Variants in TRPM5 observed in about 807,000 individuals in gnomAD.
TRPM5 encodes the protein MLSN1 and TRP-related.
Under a neutral mutation model 124.9 loss-of-function variants are expected in TRPM5, and 121 were observed. That is an observed-to-expected ratio of 0.97 (90% CI 0.84 to 1.13). TRPM5 has a LOEUF of 1.13. Ranked by LOEUF, TRPM5 falls within the 50% of genes most tolerant of loss-of-function variation. The pLI, the probability that TRPM5 is intolerant of heterozygous loss-of-function variation, is 0.00. For missense variants in TRPM5, 1,643 were observed against 1,589.1 expected (o/e 1.03, Z -0.58); for synonymous variants, 781 against 700.5 (o/e 1.11, Z -1.81).
intron 3 of TRPM5, 87 bp downstream of exon 8, chr11:2,420,945 T>C (rs533628727): frequency 4.3e-5 from 60 of 1,389,366 alleles, no homozygotes; most frequent in Non-Finnish European, 5.6e-5. Context: ...AGTCCTGTCC[T>C]CCCAGAGCTC....
chr11:2,430,311 G>A, the TRPM5 span, among the ~76,000 whole-genome samples: 1 of 152,352 alleles, frequency 6.6e-6, no homozygotes, highest in South Asian at 2.1e-4. Flanking sequence ...TGTGAAGAAG[G>A]TGACTTGCTT....
intron 12 of TRPM5, 52 bp downstream of exon 17, chr11:2,414,009 G>GGGGGGCGCCCCCC: frequency 9.8e-7 from 1 of 1,023,734 alleles, no homozygotes; most frequent in Non-Finnish European, 1.4e-6. Context: ...GGCCCAGCTC[G>GGGGGGCGCCCCCC]CCCGCCCACC....
At chr11:2,410,600 C>G in intron 18 of TRPM5, 1 of 436,788 alleles carries the variant, frequency 2.3e-6, no homozygotes, top group Non-Finnish European at 4.6e-6. Context: ...CCTGCCCCAC[C>G]CCAGAGCTCC....
chr11:2,422,375 C>G, intron 1 of TRPM5, 54 bp from the exon 7 acceptor site: 1 of 1,326,044 alleles, frequency 7.5e-7, no homozygotes, highest in Non-Finnish European at 9.9e-7. Context: ...ATGGGAGCTG[C>G]TGGGCATTGG....
chr11:2,417,791 C>T (rs1040502810), exon 7 of TRPM5: 52 of 1,491,098 alleles, frequency 3.5e-5, no homozygotes, highest in Non-Finnish European at 4.7e-5. Flanking sequence ...CGAAGTCATA[C>T]ACGGTGAGCA....
At chr11:2,434,456 T>C in the TRPM5 span, among the ~76,000 whole-genome samples, 4 of 151,560 alleles carry the variant, frequency 2.6e-5, no homozygotes, top group Non-Finnish European at 5.9e-5. Flanking sequence ...TGTGTGTGTG[T>C]GTGGACACTG....
intron 12 of TRPM5, 132 bp from the exon 18 acceptor site, chr11:2,413,720 C>T (rs756560107): frequency 3.2e-5 from 28 of 864,794 alleles, no homozygotes; most frequent in African/African-American, 3.4e-5. Flanking sequence ...CCCTCCCTCC[C>T]GGAGCCCCCG....
At chr11:2,406,557 C>A (rs1482579229) in intron 21 of TRPM5, 104 bp downstream of exon 26, 1 of 1,452,512 alleles carries the variant, frequency 6.9e-7, no homozygotes, top group East Asian at 2.3e-5. Flanking sequence ...CCTACCCCTT[C>A]AGCTTCAGTT....
At chr11:2,405,962 T>G (rs1402930970) in intron 22 of TRPM5, 57 bp downstream of exon 27, 21 of 1,480,838 alleles carry the variant, frequency 1.4e-5, no homozygotes, top group Non-Finnish European at 1.9e-5. Flanking sequence ...CCCATCCCAG[T>G]AGCCCCACGC....
the TRPM5 span, among the ~76,000 whole-genome samples, chr11:2,434,133 CTG>C: frequency 6.9e-5 from 10 of 145,344 alleles, no homozygotes; most frequent in Admixed American, 2.7e-4. Context: ...CTGTGTGTGG[CTG>C]TGTGTGTGGA....
the TRPM5 span, among the ~76,000 whole-genome samples, chr11:2,433,252 C>T: frequency 1.3e-5 from 2 of 152,270 alleles, no homozygotes; most frequent in African/African-American, 2.4e-5. Flanking sequence ...CACGCCCTCT[C>T]CCCTGCTGTC....
chr11:2,424,944 C>T (rs1027279836), upstream of TRPM5, among the ~76,000 whole-genome samples: 1 of 152,216 alleles, frequency 6.6e-6, no homozygotes, highest in Admixed American at 6.5e-5. Flanking sequence ...CTGATGCCCT[C>T]AGCACCACGT....
At chr11:2,443,870 G>A in the TRPM5 span, among the ~76,000 whole-genome samples, 27 of 144,524 alleles carry the variant, frequency 1.9e-4, no homozygotes, top group East Asian at 5.7e-3. This position sits in a 1 kb window ranked among gnomAD's most constrained non-coding sequence, Gnocchi z 5.0. Flanking sequence ...TGCCAGTAGC[G>A]GGCGGGAGGC....
chr11:2,411,448 G>A (rs1850449090), exon 18 of TRPM5: 1 of 1,612,304 alleles, frequency 6.2e-7, no homozygotes, highest in South Asian at 1.1e-5. Context: ...TCATGGGGGT[G>A]CAGCAGCGCC....
At chr11:2,418,455 A>G (rs1394436790) in intron 5 of TRPM5, 72 bp downstream of exon 10, 10 of 1,555,534 alleles carry the variant, frequency 6.4e-6, no homozygotes, top group African/African-American at 1.4e-5. Flanking sequence ...GCCCTGTCCC[A>G]GGGGTGCCCA....
At chr11:2,419,891 C>A (rs1361897748) in intron 4 of TRPM5, among the ~76,000 whole-genome samples, 6 of 152,056 alleles carry the variant, frequency 3.9e-5, no homozygotes, top group Non-Finnish European at 7.3e-5. Flanking sequence ...CTCACGATCT[C>A]ATTTTGCCTC....
chr11:2,412,384 C>T (rs1187254743), intron 15 of TRPM5, 131 bp from the exon 21 acceptor site: 92 of 736,342 alleles, frequency 1.2e-4, no homozygotes, highest in Non-Finnish European at 1.8e-4. Flanking sequence ...ACCAGTGGGA[C>T]TAGGGGTCCA....
At position 2,414,705 on chromosome 11, in the gene TRPM5, G is replaced by C. The variant is rs1315341126; in HGVS notation, c.1744+10C>G. 6.5e-7 allele frequency: 1 copy of C among 1,529,598 alleles called. No homozygotes were observed. The highest frequency in any genetic ancestry group is 8.8e-7 in the Non-Finnish European group (1 of 1,138,146). 94.8% of individuals were successfully genotyped at this position (1,529,598 alleles called of 1,614,324 possible). On this transcript the variant is annotated intron_variant, in intron 11 of 23. Coordinates refer to ENST00000155858, the Ensembl canonical transcript of TRPM5. ...GCGCGCGGGCCCGGCCCCAGCCGCC[G>C]GTCACTCACCAAGGGCCAGCCGCTC...
intron 20 of TRPM5, 33 bp from the exon 26 acceptor site, chr11:2,406,826 G>A: frequency 6.3e-7 from 1 of 1,595,364 alleles, no homozygotes; most frequent in East Asian, 2.2e-5. Flanking sequence ...AGCATTACTA[G>A]AGCATGTGGG....
Sources: allele counts gnomAD v4.1 joint callset (sites outside exome capture counted in the v4.1 genomes callset), GRCh38; gene constraint gnomAD v4.1.1; non-coding constraint Gnocchi (gnomAD v3.1); transcripts MANE v1.5; gene names NCBI Gene and HGNC (gene_info 2026-07-23, HGNC 2026-07-21).